The following VPS53 variants were observed in gnomAD, a reference collection of about 807,000 sequenced individuals.
VPS53 encodes the protein vacuolar protein sorting-associated protein 53 homolog.
In VPS53, 70 loss-of-function variants were observed where a neutral mutation model predicts 107.0. The observed-to-expected ratio is 0.65, with a 90% CI of 0.54 to 0.80. VPS53 has a LOEUF of 0.80. Ranked by LOEUF, VPS53 falls within the 30% of genes least tolerant of loss-of-function variation. The pLI is 0.00. For missense variants in VPS53, 917 were observed against 1,049.4 expected (o/e 0.87, Z 1.74); for synonymous variants, 409 against 393.3 (o/e 1.04, Z -0.47).
At chr17:635,338 C>A (rs997582210) in intron 7 of VPS53, among the ~76,000 whole-genome samples, 2 of 152,276 alleles carry the variant, frequency 1.3e-5, no homozygotes, top group Admixed American at 1.3e-4. Context: ...TTCTCCCATT[C>A]TGTAGGTTGC....
chr17:520,834 G>GCTTCACCCTCACCTACATGAGCT lies in VPS53; in HGVS notation c.2223+744_2223+766dup, dbSNP rs1447897588. On this transcript the variant is annotated intron_variant, in intron 20 of 21. Transcript: ENST00000437048. This position sits in a 1 kb window ranked among gnomAD's most constrained non-coding sequence, Gnocchi z 4.4. ...TGCTTCACCCTCACCTACATGAGCT[G>GCTTCACCCTCACCTACATGAGCT]CTTCACCCTCACCTACATGAGCTCT... Among the ~76,000 whole-genome samples the GCTTCACCCTCACCTACATGAGCT allele has an allele frequency of 2.1e-4, 32 of 149,862 alleles. No individual in the cohort carries two copies. Among genetic ancestry groups the GCTTCACCCTCACCTACATGAGCT allele is most frequent in the Non-Finnish European group, 4.5e-4 (30 of 67,362 alleles).
chr17:635,516 T>C (rs942049205), intron 7 of VPS53, among the ~76,000 whole-genome samples: 1 of 152,250 alleles, frequency 6.6e-6, no homozygotes, highest in African/African-American at 2.4e-5. Context: ...CTTCTAGGGT[T>C]TTTATGGTTT....
intron 11 of VPS53, among the ~76,000 whole-genome samples, chr17:619,532 C>T (rs1428140838): frequency 2.2e-5 from 3 of 138,216 alleles, no homozygotes; most frequent in Admixed American, 7.2e-5. Flanking sequence ...CACCACACCC[C>T]GCTAATATTT....
At chr17:631,762 G>A in intron 7 of VPS53, 134 bp from the exon 8 acceptor site, 1 of 673,350 alleles carries the variant, frequency 1.5e-6, no homozygotes, top group South Asian at 1.8e-5. Flanking sequence ...TGAGGTGAGA[G>A]GTCACATACT....
intron 13 of VPS53, among the ~76,000 whole-genome samples, chr17:574,016 T>C (rs1262755421): frequency 6.6e-6 from 1 of 152,170 alleles, no homozygotes; most frequent in East Asian, 1.9e-4. Context: ...AGAGCGTCGA[T>C]GCTTTCCATT....
intron 4 of VPS53, among the ~76,000 whole-genome samples, chr17:671,239 A>AGAAAG (rs10677274): frequency 0.98 from 147,876 of 150,314 alleles, 72,766 homozygotes; most frequent in Non-Finnish European, 1. Flanking sequence ...AGAAAAGAAA[A>AGAAAG]GAAAGAAGAA....
In VPS53 at chr17:599,474, A is replaced by G. The variant is rs543688202; in HGVS notation, c.1218+2321T>C. On this transcript the variant is annotated intron_variant, in intron 12 of 21. Coordinates refer to ENST00000437048, the MANE Select transcript of VPS53 (RefSeq NM_001128159.3). Reference sequence around the variant, plus strand: ...TACCCCCAACCCTGTGCTCTCTGAAACATGTGCTGTGTCCACTCAGGGTTA... The same window carrying G: ...TACCCCCAACCCTGTGCTCTCTGAAGCATGTGCTGTGTCCACTCAGGGTTA... Among the ~76,000 whole-genome samples the G allele has an allele frequency of 1.3e-4, 19 of 151,336 alleles. No individual in the cohort carries two copies. In the South Asian group the frequency reaches 2.9e-3, roughly 23 times the overall value.
At chr17:672,423 G>C (rs1298874451) in intron 4 of VPS53, among the ~76,000 whole-genome samples, 2 of 152,176 alleles carry the variant, frequency 1.3e-5, no homozygotes, top group African/African-American at 4.8e-5. Context: ...TCAGCTCACA[G>C]AAAGTGCTCA....
chr17:676,979 C>T (rs1972190981), intron 4 of VPS53, among the ~76,000 whole-genome samples: 1 of 151,966 alleles, frequency 6.6e-6, no homozygotes, highest in Admixed American at 6.6e-5. Context: ...GTTAATGCAC[C>T]TGAGTCTATG....
intron 12 of VPS53, among the ~76,000 whole-genome samples, chr17:595,966 C>A (rs977561678): frequency 4.2e-5 from 6 of 142,748 alleles, no homozygotes; most frequent in Non-Finnish European, 7.7e-5. Context: ...ACTCTAGTGT[C>A]CCCCTGGAGG....
intron 7 of VPS53, among the ~76,000 whole-genome samples, chr17:650,516 C>A (rs1360688526): frequency 6.6e-6 from 1 of 152,022 alleles, no homozygotes; most frequent in East Asian, 1.9e-4. Context: ...AAACAAAACA[C>A]TAATCTTACT....
intron 4 of VPS53, among the ~76,000 whole-genome samples, chr17:697,163 C>T (rs962469820): frequency 6.6e-5 from 10 of 152,186 alleles, no homozygotes; most frequent in Admixed American, 4.6e-4. Flanking sequence ...ATGCCCGACA[C>T]GAAGGAGAAA....
intron 7 of VPS53, among the ~76,000 whole-genome samples, chr17:640,754 G>T (rs546476034): frequency 2.0e-5 from 3 of 151,700 alleles, no homozygotes; most frequent in Admixed American, 6.6e-5. Flanking sequence ...CCCATCTTAC[G>T]GTGCTAACTG....
intron 12 of VPS53, among the ~76,000 whole-genome samples, chr17:589,567 A>G (rs79941058): frequency 0.013 from 2,022 of 152,280 alleles, 48 homozygotes; most frequent in African/African-American, 0.045. Context: ...GAAGAAAGAT[A>G]TTTAGGAGCT....
intron 13 of VPS53, among the ~76,000 whole-genome samples, chr17:567,961 TCCACTGATAAATTA>T (rs1453747699): frequency 1.3e-5 from 2 of 151,956 alleles, no homozygotes; most frequent in African/African-American, 2.4e-5. Flanking sequence ...TGCTGGGAGT[TCCACTGATAAATTA>T]CATGCCCTAG....
intron 11 of VPS53, among the ~76,000 whole-genome samples, chr17:619,052 T>C (rs1398299357): frequency 5.5e-5 from 8 of 145,412 alleles, no homozygotes; most frequent in Non-Finnish European, 1.0e-4. Context: ...CCGCTAATAT[T>C]TCCCGGGTAG....
At position 601,910 on chromosome 17, in the gene VPS53, A is replaced by T; in HGVS notation, c.1117-14T>A. ...CTCAAGCTTTTTCTGTTAGGTAGATATGAGAAAGAGAAGTGTTTTCTGAGC... is the reference window on the plus strand; with the variant it reads ...CTCAAGCTTTTTCTGTTAGGTAGATTTGAGAAAGAGAAGTGTTTTCTGAGC... On this transcript the variant is annotated splice_polypyrimidine_tract_variant and intron_variant, in intron 11 of 21. Transcript: ENST00000437048. 2.6e-6 allele frequency: 4 copies of T among 1,557,448 alleles called. No individual in the cohort carries two copies. Among genetic ancestry groups the T allele is most frequent in the Middle Eastern group, 1.7e-4 (1 of 5,816 alleles).
intron 13 of VPS53, among the ~76,000 whole-genome samples, chr17:574,346 T>C (rs1914427376): frequency 1.3e-5 from 2 of 152,166 alleles, no homozygotes; most frequent in South Asian, 4.1e-4. Context: ...ACAATGAGTA[T>C]ACTTTGTATA....
chr17:714,607 G>A lies in VPS53; in HGVS notation c.87+16C>T. 6.2e-7 allele frequency: 1 copy of A among 1,604,070 alleles called. No homozygotes were observed. The highest frequency in any genetic ancestry group is 8.5e-7 in the Non-Finnish European group (1 of 1,174,970). ...CCCGCACTCCCGTTTCCCCTCCTGAGGGGCGGAACGCTTACCTGCTCGATG... is the reference window on the plus strand; with the variant it reads ...CCCGCACTCCCGTTTCCCCTCCTGAAGGGCGGAACGCTTACCTGCTCGATG... On this transcript the variant is annotated intron_variant, in intron 1 of 21. Coordinates refer to ENST00000437048, the MANE Select transcript of VPS53 (RefSeq NM_001128159.3).
Sources: gnomAD v4.1 joint callset for allele counts (sites outside exome capture counted in the v4.1 genomes callset) on GRCh38, gnomAD v4.1.1 for gene constraint, Gnocchi (gnomAD v3.1) non-coding constraint, MANE v1.5 for transcripts, NCBI Gene and HGNC (gene_info 2026-07-23, HGNC 2026-07-21) for gene names.